Variants in POLDIP3 observed in about 807,000 individuals in gnomAD.
POLDIP3 encodes the protein DNA polymerase delta interacting protein 3.
Under a neutral mutation model 45.1 loss-of-function variants are expected in POLDIP3, and 14 were observed. That is an observed-to-expected ratio of 0.31 (90% CI 0.20 to 0.49). The LOEUF is 0.49. Ranked by LOEUF, POLDIP3 falls within the 20% of genes least tolerant of loss-of-function variation. POLDIP3 has a pLI of 0.99. For missense variants in POLDIP3, 511 were observed against 538.8 expected (o/e 0.95, Z 0.51); for synonymous variants, 223 against 205.2 (o/e 1.09, Z -0.74).
intron 1 of POLDIP3, among the ~76,000 whole-genome samples, chr22:42,611,379 T>C (rs979636794): frequency 3.9e-5 from 6 of 152,310 alleles, no homozygotes; most frequent in South Asian, 4.1e-4. Flanking sequence ...TGGCTGCTTT[T>C]GAGAACAAGC....
intron 1 of POLDIP3, among the ~76,000 whole-genome samples, chr22:42,607,530 C>T (rs1926817624): frequency 6.6e-6 from 1 of 152,232 alleles, no homozygotes; most frequent in African/African-American, 2.4e-5. Flanking sequence ...CGGCTGCCAC[C>T]CCGTCTGGGA....
At chr22:42,606,635 T>A (rs1170930424) in intron 1 of POLDIP3, among the ~76,000 whole-genome samples, 1 of 152,132 alleles carries the variant, frequency 6.6e-6, no homozygotes. Flanking sequence ...AAACATATTT[T>A]AAAAAATTTA....
At chr22:42,598,071 C>A (rs537923340) in intron 4 of POLDIP3, among the ~76,000 whole-genome samples, 2 of 151,474 alleles carry the variant, frequency 1.3e-5, no homozygotes, top group Non-Finnish European at 2.9e-5. Context: ...AGCCACCACG[C>A]CGAGCCAGCT....
At chr22:42,613,975 T>C (rs1205614264) in intron 1 of POLDIP3, among the ~76,000 whole-genome samples, 1 of 152,110 alleles carries the variant, frequency 6.6e-6, no homozygotes, top group Non-Finnish European at 1.5e-5. Flanking sequence ...TAGGGGAAGT[T>C]TGGGAGACAT....
intron 1 of POLDIP3, among the ~76,000 whole-genome samples, chr22:42,607,250 T>G (rs1926792151): frequency 6.6e-6 from 1 of 152,260 alleles, no homozygotes; most frequent in Non-Finnish European, 1.5e-5. Context: ...TGCCTGGGAT[T>G]GCAGGCGCGC....
chr22:42,601,330 T>C (rs999221401), intron 3 of POLDIP3, among the ~76,000 whole-genome samples: 63 of 135,296 alleles, frequency 4.7e-4, no homozygotes, highest in African/African-American at 1.7e-3. Flanking sequence ...CTGGGCAATA[T>C]AGCGAGACCC....
intron 1 of POLDIP3, among the ~76,000 whole-genome samples, chr22:42,612,913 A>G (rs35520449): frequency 2.9e-3 from 439 of 152,314 alleles, no homozygotes; most frequent in Middle Eastern, 0.024. Flanking sequence ...CCTAGTTCAG[A>G]ACTCCCCTGG....
chr22:42,604,125 G>T (rs1180177752), intron 1 of POLDIP3, among the ~76,000 whole-genome samples: 2 of 152,066 alleles, frequency 1.3e-5, no homozygotes, highest in African/African-American at 4.8e-5. Flanking sequence ...CTCTACAATA[G>T]CTACCCTCAA....
intron 1 of POLDIP3, among the ~76,000 whole-genome samples, chr22:42,604,407 T>A (rs1926594147): frequency 6.6e-6 from 1 of 152,116 alleles, no homozygotes; most frequent in African/African-American, 2.4e-5. Flanking sequence ...GCTGTCCAGA[T>A]CCCACCCTAG....
chr22:42,599,281 C>T (rs970288673), intron 4 of POLDIP3, among the ~76,000 whole-genome samples: 1 of 152,184 alleles, frequency 6.6e-6, no homozygotes, highest in Non-Finnish European at 1.5e-5. Context: ...AATCTTACGG[C>T]CCAAACAAAG....
At chr22:42,587,625 A>G in intron 7 of POLDIP3, 53 bp from the exon 8 acceptor site, 1 of 1,498,828 alleles carries the variant, frequency 6.7e-7, no homozygotes, top group South Asian at 1.1e-5. Context: ...GGCTCCTCAC[A>G]CAAGAGGACA....
At chr22:42,605,959 T>A (rs372889982) in intron 1 of POLDIP3, among the ~76,000 whole-genome samples, 1 of 151,908 alleles carries the variant, frequency 6.6e-6, no homozygotes. Context: ...CTGGCCAACA[T>A]GGTGAAACCC....
chr22:42,606,135 C>CTTTT (rs1926710409), intron 1 of POLDIP3, among the ~76,000 whole-genome samples: 2 of 151,840 alleles, frequency 1.3e-5, no homozygotes, highest in Non-Finnish European at 2.9e-5. Flanking sequence ...GAGCAAGACT[C>CTTTT]TGTTTCAAAA....
intron 4 of POLDIP3, among the ~76,000 whole-genome samples, chr22:42,599,123 C>G (rs1163159384): frequency 6.6e-6 from 1 of 152,252 alleles, no homozygotes; most frequent in Admixed American, 6.5e-5. Context: ...TGTGGGATCA[C>G]TCACACTTTC....
At chr22:42,597,244 G>A (rs565044795) in intron 4 of POLDIP3, among the ~76,000 whole-genome samples, 86 of 152,362 alleles carry the variant, frequency 5.6e-4, no homozygotes, top group African/African-American at 1.9e-3. Flanking sequence ...AGTGACGGGG[G>A]CCCTGCTGAT....
In POLDIP3 at chr22:42,584,209, C is replaced by G. The variant is rs41276341; in HGVS notation, c.*1582G>C. On this transcript the variant is annotated 3_prime_UTR_variant, in exon 9 of 9. Coordinates refer to ENST00000252115, the MANE Select transcript of POLDIP3 (RefSeq NM_032311.5). ...GGGAGGAATGTCTTCCAGCTGCTAACGAGAAGTCTGCACCCACTTGAAAGG... is the reference window on the plus strand; with the variant it reads ...GGGAGGAATGTCTTCCAGCTGCTAAGGAGAAGTCTGCACCCACTTGAAAGG... The G allele has an allele frequency of 6.5e-6, 1 of 152,768 alleles. No individual in the cohort carries two copies. Among genetic ancestry groups the G allele is most frequent in the South Asian group, 2.1e-4 (1 of 4,836 alleles). The allele number at this position is 152,768 out of a possible 1,614,324, so 9.5% of individuals were successfully genotyped here.
intron 7 of POLDIP3, among the ~76,000 whole-genome samples, chr22:42,588,630 C>CTT (rs201367552): frequency 2.8e-4 from 39 of 136,968 alleles, no homozygotes; most frequent in African/African-American, 8.8e-4. Context: ...TTCTTTCTTT[C>CTT]TTTTTTTTTT....
intron 8 of POLDIP3, 75 bp downstream of exon 8, chr22:42,587,431 C>A (rs1925380334): frequency 7.1e-7 from 1 of 1,409,442 alleles, no homozygotes; most frequent in Non-Finnish European, 1.0e-6. Context: ...AGCTGTGATG[C>A]AGGCAGTTTA....
chr22:42,613,166 C>T (rs1927231708), intron 1 of POLDIP3, among the ~76,000 whole-genome samples: 1 of 152,162 alleles, frequency 6.6e-6, no homozygotes, highest in Admixed American at 6.6e-5. Flanking sequence ...ATCATTCTGT[C>T]GTTTCCAAAG....
Sources: allele counts gnomAD v4.1 joint callset (sites outside exome capture counted in the v4.1 genomes callset), GRCh38; gene constraint gnomAD v4.1.1; transcripts MANE v1.5; gene names NCBI Gene and HGNC (gene_info 2026-07-23, HGNC 2026-07-21).